Variants in COG7 observed in about 807,000 individuals in gnomAD.
COG7 encodes the protein conserved oligomeric Golgi complex subunit 7.
In COG7, 49 loss-of-function variants were observed where a neutral mutation model predicts 91.5. The ratio of observed to expected loss-of-function variants is 0.54; its 90% CI spans 0.43 to 0.68. The LOEUF (loss-of-function observed/expected upper bound fraction) is 0.68, where lower values mean the gene tolerates loss of function less well. Ranked by LOEUF, COG7 falls within the 30% of genes least tolerant of loss-of-function variation. The pLI is 0.00. For synonymous variants in COG7, 365 were observed against 388.7 expected, an observed-to-expected ratio of 0.94 and a Z score of 0.72; for missense variants, 895 against 961.3, an observed-to-expected ratio of 0.93 and a Z score of 0.91.
intron 7 of COG7, among the ~76,000 whole-genome samples, chr16:23,422,466 A>G (rs1165758293): frequency 6.7e-6 from 1 of 149,104 alleles, no homozygotes; most frequent in African/African-American, 2.4e-5. Flanking sequence ...TGTATATATT[A>G]TATAACATAT....
chr16:23,416,949 C>G lies in COG7; in HGVS notation c.1292+18G>C, dbSNP rs748888232. 4.3e-6 allele frequency: 7 copies of G among 1,614,048 alleles called. No homozygotes were observed. The East Asian group carries it at 1.3e-4, about 31-fold the overall frequency. On this transcript the variant is annotated intron_variant, in intron 9 of 16. Transcript: ENST00000307149. ...TGCTCCAATGTGGCCCGTCTGGTCC[C>G]CAGTTCCCCAGCCTTACTTGGCAAA...
chr16:23,403,242 A>G (rs1364043195), intron 13 of COG7, among the ~76,000 whole-genome samples: 2 of 152,230 alleles, frequency 1.3e-5, no homozygotes, highest in African/African-American at 4.8e-5. Flanking sequence ...AGAAAGGAAC[A>G]GAACCCTCCA....
chr16:23,417,000 C>G lies in COG7; in HGVS notation c.1259G>C (p.Gly420Ala), dbSNP rs773279166. The G allele has an allele frequency of 6.2e-6, 10 of 1,614,112 alleles. No individual in the cohort carries two copies. The African/African-American group carries it at 1.3e-4, about 22-fold the overall frequency. ...GAGGGATTTCAGGGCTGACAACAGGCCGCAGGTCCCCAGGCCATTGGTGAA... is the reference window on the plus strand; with the variant it reads ...GAGGGATTTCAGGGCTGACAACAGGGCGCAGGTCCCCAGGCCATTGGTGAA... ...VRFTNGLGTCGLLSALKSLFA... is the reference protein window; with the variant it reads ...VRFTNGLGTCALLSALKSLFA... Residue 420 changes from glycine to alanine, a missense_variant, in exon 9 of 17, where the codon GGC becomes GCC. By Grantham distance (60) the Gly-to-Ala change is moderately conservative. Coordinates refer to ENST00000307149, the MANE Select transcript of COG7 (RefSeq NM_153603.4).
chr16:23,393,392 G>A, intron 14 of COG7, 45 bp from the exon 15 acceptor site: 1 of 1,438,554 alleles, frequency 7.0e-7, no homozygotes. Context: ...GACACATACG[G>A]GTTATTACTT....
chr16:23,424,981 C>T (rs1963822251), intron 6 of COG7, 34 bp from the exon 7 acceptor site: 1 of 1,561,822 alleles, frequency 6.4e-7, no homozygotes, highest in Non-Finnish European at 8.7e-7. Context: ...TGCCTTAGCA[C>T]ATGGAGCCAA....
chr16:23,418,044 T>A (rs1963685361), intron 8 of COG7, among the ~76,000 whole-genome samples: 2 of 152,234 alleles, frequency 1.3e-5, no homozygotes, highest in African/African-American at 4.8e-5. Flanking sequence ...ATAGTGAACC[T>A]GCCCCTGCAG....
intron 1 of COG7, 83 bp from the exon 2 acceptor site, chr16:23,446,044 C>G (rs913912582): frequency 2.7e-6 from 4 of 1,488,542 alleles, no homozygotes; most frequent in Non-Finnish European, 9.2e-7. Flanking sequence ...CAGTAAAATA[C>G]AGGAAACAAA....
At chr16:23,422,846 C>A (rs1963780509) in intron 7 of COG7, among the ~76,000 whole-genome samples, 1 of 151,852 alleles carries the variant, frequency 6.6e-6, no homozygotes, top group East Asian at 1.9e-4. Flanking sequence ...AGTTTGAGAC[C>A]AGCCTGGCCA....
chr16:23,445,071 T>C lies in COG7; in HGVS notation c.412A>G (p.Ile138Val), dbSNP rs1298612634. The change falls in exon 3 of 17, where the codon ATT (isoleucine) becomes GTT (valine). Residue 138 changes from isoleucine to valine, a missense_variant. Coordinates refer to ENST00000307149, the MANE Select transcript of COG7 (RefSeq NM_153603.4). The part of the protein sequence containing the change: ...ADKWSTLSAD[I>V]EETFKTQDIA... ...ACCTGAGTCTTAAATGTCTCCTCAA[T>C]ATCGGCGCTCAACGTGCTCCACTTA... is the stretch of plus-strand genomic sequence containing the variant. The C allele has an allele frequency of 1.2e-6, 2 of 1,613,902 alleles. No individual in the cohort carries two copies. Among genetic ancestry groups the C allele is most frequent in the Admixed American group, 3.3e-5 (2 of 60,004 alleles).
At chr16:23,433,518 C>T in intron 6 of COG7, 27 bp downstream of exon 6, 1 of 1,613,872 alleles carries the variant, frequency 6.2e-7, no homozygotes, top group East Asian at 2.2e-5. Context: ...AGACTCTGTT[C>T]TCCCTAGAAC....
At chr16:23,439,099 A>G (rs1327636433) in intron 4 of COG7, among the ~76,000 whole-genome samples, 1 of 149,046 alleles carries the variant, frequency 6.7e-6, no homozygotes, top group Non-Finnish European at 1.5e-5. Flanking sequence ...CAGAGGTCAC[A>G]GTGAGCCGAG....
At chr16:23,410,435 C>G in intron 10 of COG7, 75 bp from the exon 11 acceptor site, 1 of 1,251,956 alleles carries the variant, frequency 8.0e-7, no homozygotes. Flanking sequence ...TTGTCTTATT[C>G]ATAAAAATCC....
intron 1 of COG7, among the ~76,000 whole-genome samples, chr16:23,447,780 G>T (rs188248364): frequency 5.9e-5 from 9 of 151,486 alleles, no homozygotes; most frequent in Admixed American, 5.3e-4. Flanking sequence ...TGTGCCTGTA[G>T]CCCCAGCTAC....
rs1470047884 is a variant in COG7, at chr16:23,398,149, A to G, written c.1804-20T>C. ...CCAGCTCTAAGGGTGGAACGAGAGG[A>G]CACAATCAGTACCTAGCAGCCAGGC... On this transcript the variant is annotated intron_variant, in intron 13 of 16. Coordinates refer to ENST00000307149, the MANE Select transcript of COG7 (RefSeq NM_153603.4). 2.5e-6 allele frequency: 4 copies of G among 1,605,170 alleles called. No homozygotes were observed. Among genetic ancestry groups the G allele is most frequent in the Middle Eastern group, 1.7e-4 (1 of 6,038 alleles).
rs894341149 is a variant in COG7 at position 23,425,870 on chromosome 16, C to T, written c.811-923G>A. ...AGTGTCTAGTTATTTTCAAATCTAA[C>T]GAACACATTCATGTGGCATTTTTTT... On this transcript the variant is annotated intron_variant, in intron 6 of 16. Coordinates refer to ENST00000307149, the MANE Select transcript of COG7 (RefSeq NM_153603.4). Among the ~76,000 whole-genome samples, 7 of 152,238 alleles carry T rather than the reference C, an allele frequency of 4.6e-5. No individual in the cohort carries two copies. The South Asian group carries it at 6.2e-4, about 14-fold the overall frequency.
At chr16:23,430,430 G>GAA (rs971094690) in intron 6 of COG7, among the ~76,000 whole-genome samples, 2 of 75,692 alleles carry the variant, frequency 2.6e-5, no homozygotes. Context: ...CCCTGTTTCA[G>GAA]AAAAAAAAAA....
intron 1 of COG7, among the ~76,000 whole-genome samples, chr16:23,447,485 A>ACAGG (rs1266683805): frequency 1.3e-5 from 2 of 150,430 alleles, no homozygotes; most frequent in African/African-American, 4.9e-5. Context: ...TGCTGGGATT[A>ACAGG]CAGGCATAAG....
In COG7 at chr16:23,445,080, T is replaced by TC; in HGVS notation, c.402dup (p.Ser135GlufsTer5). On this transcript the variant is annotated frameshift_variant, in exon 3 of 17. Transcript: ENST00000307149. LOFTEE classifies it high-confidence loss of function. ...TTAAATGTCTCCTCAATATCGGCGC[T>TC]CAACGTGCTCCACTTATCTGCTTCC... is the stretch of plus-strand genomic sequence containing the variant. The TC allele has an allele frequency of 1.2e-6, 2 of 1,614,014 alleles. No individual in the cohort carries two copies. The highest frequency in any genetic ancestry group is 1.7e-6 in the Non-Finnish European group (2 of 1,179,942).
intron 6 of COG7, among the ~76,000 whole-genome samples, chr16:23,425,789 T>A (rs1302082125): frequency 6.6e-6 from 1 of 152,230 alleles, no homozygotes; most frequent in African/African-American, 2.4e-5. Context: ...TGGCAAGACT[T>A]GGAACTTGCA....
Sources: gnomAD v4.1 joint callset for allele counts (sites outside exome capture counted in the v4.1 genomes callset) on GRCh38, gnomAD v4.1.1 for gene constraint, MANE v1.5 for transcripts, NCBI Gene and HGNC (gene_info 2026-07-23, HGNC 2026-07-21) for gene names.